CNTNAP2: variants seen among roughly 807,000 people sequenced by gnomAD.
CNTNAP2 encodes the protein contactin-associated protein-like 2.
CNTNAP2 carries 98 observed loss-of-function variants against 155.2 expected under a neutral mutation model. The ratio of observed to expected loss-of-function variants is 0.63; its 90% confidence interval spans 0.54 to 0.75. The LOEUF (loss-of-function observed/expected upper bound fraction) is 0.75, where lower values mean the gene tolerates loss of function less well. Among genes scored for constraint, CNTNAP2 ranks in the 30% least tolerant of loss-of-function variants. The probability of loss-of-function intolerance (pLI) is 0.00; values close to 1 mark genes in which losing one functional copy is unlikely to be tolerated. For missense variants in CNTNAP2, 1,727 were observed against 1,688.1 expected, an observed-to-expected ratio of 1.02 and a Z score of -0.40; for synonymous variants, 651 against 631.2, an observed-to-expected ratio of 1.03 and a Z score of -0.47.
chr7:148,004,537 A>G (rs1801942998), intron 15 of CNTNAP2, among the ~76,000 whole-genome samples: 1 of 152,208 alleles, frequency 6.6e-6, no homozygotes, highest in Non-Finnish European at 1.5e-5. Context: ...TTGTTCATTT[A>G]CATACAAGTT....
chr7:146,228,426 G>C, intron 1 of CNTNAP2, among the ~76,000 whole-genome samples: 1 of 152,212 alleles, frequency 6.6e-6, no homozygotes, highest in East Asian at 1.9e-4. Flanking sequence ...TATAAATTCT[G>C]TAGAGTTGTA....
chr7:147,808,237 G>A (rs1313107766), intron 13 of CNTNAP2, among the ~76,000 whole-genome samples: 2 of 152,180 alleles, frequency 1.3e-5, no homozygotes, highest in East Asian at 3.9e-4. Context: ...AGCCAGGAAA[G>A]TGAAAGCAGG....
intron 8 of CNTNAP2, among the ~76,000 whole-genome samples, chr7:147,236,419 TTG>T (rs1450601040): frequency 2.0e-5 from 3 of 147,506 alleles, no homozygotes; most frequent in African/African-American, 7.5e-5. Flanking sequence ...TATTTTAAGC[TTG>T]TTTTTTTTTT....
intron 1 of CNTNAP2, among the ~76,000 whole-genome samples, chr7:146,436,227 G>T (rs1616256): frequency 0.036 from 5,427 of 152,104 alleles, 341 homozygotes; most frequent in African/African-American, 0.12. Flanking sequence ...TTTTGTGATG[G>T]GTAAGTGGGT....
chr7:146,192,363 C>T (rs1316411568), intron 1 of CNTNAP2, among the ~76,000 whole-genome samples: 1 of 152,082 alleles, frequency 6.6e-6, no homozygotes. Flanking sequence ...AAGATATTAG[C>T]CTGTTCTCAT....
chr7:147,412,361 C>T (rs911835565), intron 10 of CNTNAP2, among the ~76,000 whole-genome samples: 2 of 151,576 alleles, frequency 1.3e-5, no homozygotes, highest in African/African-American at 2.4e-5. Context: ...TTCACCCCAC[C>T]ACCCATCTCT....
intron 3 of CNTNAP2, among the ~76,000 whole-genome samples, chr7:147,032,664 G>T (rs996286459): frequency 2.0e-5 from 3 of 150,184 alleles, no homozygotes; most frequent in African/African-American, 7.4e-5. Flanking sequence ...AAGGAGGGGA[G>T]GAAGGAAATA....
chr7:147,855,343 C>G (rs751691050), intron 13 of CNTNAP2, among the ~76,000 whole-genome samples: 1 of 152,112 alleles, frequency 6.6e-6, no homozygotes, highest in East Asian at 1.9e-4. Context: ...AATCTCCCAC[C>G]AAGAAGTTAC....
intron 13 of CNTNAP2, among the ~76,000 whole-genome samples, chr7:147,661,409 G>A (rs1278265638): frequency 3.3e-5 from 5 of 152,090 alleles, no homozygotes; most frequent in African/African-American, 9.7e-5. Context: ...GCTGTCTAAC[G>A]AACCTTCACT....
chr7:147,763,260 AAAAAAAAAAAAG>A (rs1393420967), intron 13 of CNTNAP2, among the ~76,000 whole-genome samples: 6 of 100,872 alleles, frequency 5.9e-5, no homozygotes, highest in Admixed American at 9.3e-5. Context: ...AACTCAGTCA[AAAAAAAAAAAAG>A]AAAAAAAAAA....
At chr7:148,391,005 C>CATACAAAGCAAGTCATTT (rs1799335075) in intron 22 of CNTNAP2, among the ~76,000 whole-genome samples, 1 of 152,168 alleles carries the variant, frequency 6.6e-6, no homozygotes, top group Non-Finnish European at 1.5e-5. Context: ...CCTCGTGTAA[C>CATACAAAGCAAGTCATTT]ATACAAAGCA....
chr7:148,054,749 T>C lies in CNTNAP2; in HGVS notation c.2384-63369T>C, dbSNP rs566158890. 8.5e-5 allele frequency among the ~76,000 whole-genome samples: 13 copies of C among 152,230 alleles called. No individual in the cohort carries two copies. The East Asian group carries it at 2.3e-3, about 27-fold the overall frequency. Reference sequence around the variant, plus strand: ...ATGAAGTCTGACACATTACAAACCATGCACAGAAACAAACAATATCAGTAA... The same window carrying C: ...ATGAAGTCTGACACATTACAAACCACGCACAGAAACAAACAATATCAGTAA... On this transcript the variant is annotated intron_variant, in intron 15 of 23. Coordinates refer to ENST00000361727, the MANE Select transcript of CNTNAP2 (RefSeq NM_014141.6).
At chr7:147,027,865 GCAGCAT>G (rs1294477398) in intron 3 of CNTNAP2, among the ~76,000 whole-genome samples, 1 of 152,174 alleles carries the variant, frequency 6.6e-6, no homozygotes, top group Non-Finnish European at 1.5e-5. Flanking sequence ...TAGGAGGATG[GCAGCAT>G]CAGCAAATGG....
intron 1 of CNTNAP2, among the ~76,000 whole-genome samples, chr7:146,415,335 A>G (rs1334222652): frequency 1.3e-5 from 2 of 152,156 alleles, no homozygotes; most frequent in East Asian, 1.9e-4. Flanking sequence ...GTTATTGCCA[A>G]CTTTAAAATG....
chr7:146,376,325 A>G (rs2129103783), intron 1 of CNTNAP2, among the ~76,000 whole-genome samples: 1 of 152,252 alleles, frequency 6.6e-6, no homozygotes, highest in Middle Eastern at 3.4e-3. Context: ...GATTTAATCT[A>G]TTCGTTACCT....
chr7:147,160,181 A>T (rs1273117342), intron 8 of CNTNAP2, among the ~76,000 whole-genome samples: 1 of 152,102 alleles, frequency 6.6e-6, no homozygotes, highest in Non-Finnish European at 1.5e-5. Context: ...TAAAACTAGG[A>T]AGTGTTTCCA....
intron 1 of CNTNAP2, among the ~76,000 whole-genome samples, chr7:146,173,216 T>C (rs1246688050): frequency 6.6e-6 from 1 of 152,166 alleles, no homozygotes; most frequent in African/African-American, 2.4e-5. Context: ...ACCTTAAGCC[T>C]TTTTTATCTT....
At chr7:146,854,054 C>A (rs1486263386) in intron 3 of CNTNAP2, among the ~76,000 whole-genome samples, 3 of 152,124 alleles carry the variant, frequency 2.0e-5, no homozygotes, top group Non-Finnish European at 2.9e-5. Flanking sequence ...TTTGCAGCAA[C>A]AGGGAGATGA....
intron 21 of CNTNAP2, among the ~76,000 whole-genome samples, chr7:148,283,239 C>A (rs1218359725): frequency 4.7e-3 from 130 of 27,930 alleles, no homozygotes; most frequent in East Asian, 8.8e-3. Context: ...AACTCTGTCT[C>A]AAAAAAAAAA....
Sources: gnomAD v4.1 joint callset for allele counts (sites outside exome capture counted in the v4.1 genomes callset) on GRCh38, gnomAD v4.1.1 for gene constraint, MANE v1.5 for transcripts, NCBI Gene and HGNC (gene_info 2026-07-23, HGNC 2026-07-21) for gene names.